Variants in RPGRIP1 observed in about 807,000 individuals in gnomAD.
The protein encoded by RPGRIP1 is X-linked retinitis pigmentosa GTPase regulator-interacting protein 1.
Under a neutral mutation model 157.9 loss-of-function variants are expected in RPGRIP1, and 128 were observed. That is an observed-to-expected ratio of 0.81 (90% CI 0.70 to 0.94). The LOEUF is 0.94. RPGRIP1 is among the 40% of genes least tolerant of loss of function. RPGRIP1 has a pLI of 0.00. For synonymous variants in RPGRIP1, 554 were observed against 571.6 expected (o/e 0.97, Z 0.44); for missense variants, 1,486 against 1,545.8 (o/e 0.96, Z 0.65).
In RPGRIP1 at chr14:21,303,351, T is replaced by C. The variant is rs1197922295; in HGVS notation, c.608T>C (p.Ile203Thr). The C allele has an allele frequency of 6.2e-7, 1 of 1,613,328 alleles. No homozygotes were observed. The highest frequency in any genetic ancestry group is 2.2e-5 in the East Asian group (1 of 44,886). The stretch of plus-strand genomic sequence containing the variant: ...TTTAGTGTTTCTGGTTCTAACAGCA[T>C]AATTTCTTTCAGCAGTGTCATAAGT... ...PSELVSGSNSIISFSSVISMA... is the reference protein window; with the variant it reads ...PSELVSGSNSTISFSSVISMA... The change falls in exon 6 of 25, where the codon ATA becomes ACA. Residue 203 changes from isoleucine (I) to threonine (T), a missense_variant. Ile to Thr is a moderately conservative substitution (Grantham distance 89, BLOSUM62 -1). Coordinates refer to ENST00000400017, the MANE Select transcript of RPGRIP1 (RefSeq NM_020366.4).
At chr14:21,302,865 G>GTTTTT (rs59447072) in intron 5 of RPGRIP1, 257 of 88,240 alleles carry the variant, frequency 2.9e-3, no homozygotes, top group African/African-American at 3.4e-3. Flanking sequence ...CCTTTGTTGT[G>GTTTTT]TTTTTTTTTT....
chr14:21,334,605 A>G lies in RPGRIP1; in HGVS notation c.3239A>G (p.Asp1080Gly). Residue 1080 changes from aspartate to glycine, a missense_variant and splice_region_variant, in exon 21 of 25, where the codon GAC (aspartate) becomes GGC (glycine). Physicochemically the swap from Asp to Gly is moderately conservative, Grantham distance 94 (BLOSUM62 -1). Transcript: ENST00000400017. ...ATAACTGCAACCTCTTCTCTAGCAG[A>G]CAAAGAATCCTCTGAACAAGGTTCT... ...KQKEPLHPVN[D>G]KESSEQGSEV... 1.2e-6 allele frequency: 2 copies of G among 1,601,730 alleles called. No individual in the cohort carries two copies. Among genetic ancestry groups the G allele is most frequent in the Non-Finnish European group, 1.7e-6 (2 of 1,173,922 alleles).
At chr14:21,319,926 T>G (rs1882214357) in intron 11 of RPGRIP1, 91 bp from the exon 12 acceptor site, 1 of 1,183,192 alleles carries the variant, frequency 8.5e-7, no homozygotes, top group Admixed American at 2.3e-5. Context: ...AATTAAACCT[T>G]AGTGGGAAGA....
chr14:21,345,569 AT>A, intron 23 of RPGRIP1, among the ~76,000 whole-genome samples: 1 of 151,344 alleles, frequency 6.6e-6, no homozygotes, highest in East Asian at 2.0e-4. Context: ...TGCCTGGCTA[AT>A]TTTTTGTGTT....
In RPGRIP1 at chr14:21,345,197, A is replaced by G; in HGVS notation, c.3617A>G (p.His1206Arg). 6.2e-7 allele frequency: 1 copy of G among 1,607,814 alleles called. No individual in the cohort carries two copies. The highest frequency in any genetic ancestry group is 2.2e-5 in the East Asian group (1 of 44,848). The change falls in exon 23 of 25, where the codon CAT becomes CGT. Residue 1206 changes from histidine to arginine, a missense_variant and splice_region_variant. Coordinates refer to ENST00000400017, the MANE Select transcript of RPGRIP1 (RefSeq NM_020366.4). ...AATGGACAAGATCCTGATCAAGGAC[A>G]GTAAGCATCTGCTTTCCACTTTGAA... is the stretch of plus-strand genomic sequence containing the variant. ...MLNGQDPDQGHLKFTVVSDPL... is the reference protein window; with the variant it reads ...MLNGQDPDQGRLKFTVVSDPL...
intron 21 of RPGRIP1, among the ~76,000 whole-genome samples, chr14:21,336,562 T>G (rs1423580067): frequency 3.3e-5 from 5 of 152,198 alleles, no homozygotes; most frequent in Non-Finnish European, 7.3e-5. Context: ...CAAAACCAGT[T>G]AAGTTTCTCT....
In RPGRIP1 at chr14:21,294,786, G is replaced by A. The variant is rs62646878; in HGVS notation, c.195G>A (p.Trp65Ter). 1 of 1,589,930 alleles carries A rather than the reference G, an allele frequency of 6.3e-7. No individual in the cohort carries two copies. Among genetic ancestry groups the A allele is most frequent in the Non-Finnish European group, 8.6e-7 (1 of 1,165,808 alleles). ...EDHMLVKELS[W>*]KQQDEIKRLR... ...ACATGTTGGTGAAGGAGCTTTCTTGGAAGCAACAGGATGAGATCAAAAGGT... is the reference window on the plus strand; with the variant it reads ...ACATGTTGGTGAAGGAGCTTTCTTGAAAGCAACAGGATGAGATCAAAAGGT... The change falls in exon 3 of 25, where the codon TGG becomes TGA. Residue 65 changes from tryptophan (W) to a stop codon, truncating the protein, a stop_gained. Transcript: ENST00000400017. LOFTEE classifies it high-confidence loss of function.
At chr14:21,322,930 GTTA>G in intron 14 of RPGRIP1, among the ~76,000 whole-genome samples, 1 of 152,172 alleles carries the variant, frequency 6.6e-6, no homozygotes, top group Non-Finnish European at 1.5e-5. Context: ...ACTTGGCTTT[GTTA>G]TTATACCCAG....
At chr14:21,331,690 A>G (rs1883810114) in intron 20 of RPGRIP1, among the ~76,000 whole-genome samples, 1 of 152,062 alleles carries the variant, frequency 6.6e-6, no homozygotes, top group Non-Finnish European at 1.5e-5. Flanking sequence ...TCAGGAAAGG[A>G]CACCCTTTGG....
intron 21 of RPGRIP1, among the ~76,000 whole-genome samples, chr14:21,342,349 C>A (rs55904172): frequency 6.6e-6 from 1 of 151,758 alleles, no homozygotes; most frequent in Non-Finnish European, 1.5e-5. Flanking sequence ...TCTAGACCAT[C>A]GTGGGCAACA....
In RPGRIP1 at chr14:21,346,118, A is replaced by AT. The variant is rs566945339; in HGVS notation, c.3617+927dup. Among the ~76,000 whole-genome samples the AT allele has an allele frequency of 3.9e-4, 59 of 152,266 alleles. 1 individual carries two copies. The East Asian group carries it at 9.8e-3, about 25-fold the overall frequency. ...GAGTGACCACACCTGGTCAACAGGA[A>AT]TTTTTTGATGTTGACATAACTAAGT... On this transcript the variant is annotated intron_variant, in intron 23 of 24. Transcript: ENST00000400017.
intron 1 of RPGRIP1, among the ~76,000 whole-genome samples, chr14:21,281,710 T>A (rs1015336111): frequency 1.5e-3 from 203 of 137,770 alleles, no homozygotes; most frequent in African/African-American, 5.5e-3. Flanking sequence ...AAATAAATAA[T>A]AATAATAATA....
intron 6 of RPGRIP1, 119 bp from the exon 7 acceptor site, chr14:21,307,612 G>A (rs974417377): frequency 6.0e-6 from 4 of 663,894 alleles, no homozygotes; most frequent in African/African-American, 1.8e-5. Flanking sequence ...GTTCTAGTGT[G>A]GGTAAGACGG....
At chr14:21,301,441 T>C (rs1354222155) in intron 4 of RPGRIP1, among the ~76,000 whole-genome samples, 1 of 151,978 alleles carries the variant, frequency 6.6e-6, no homozygotes, top group Admixed American at 6.6e-5. Context: ...GGAGTGTCGC[T>C]GAGGGCAGAA....
intron 8 of RPGRIP1, among the ~76,000 whole-genome samples, chr14:21,311,494 G>A (rs1283402863): frequency 1.3e-5 from 2 of 152,192 alleles, no homozygotes; most frequent in Non-Finnish European, 2.9e-5. Flanking sequence ...AGAGGTTGCA[G>A]TGAGCCAAGC....
At chr14:21,336,252 A>G (rs1362412190) in intron 21 of RPGRIP1, among the ~76,000 whole-genome samples, 1 of 152,206 alleles carries the variant, frequency 6.6e-6, no homozygotes, top group Non-Finnish European at 1.5e-5. Flanking sequence ...GTTCAATTTC[A>G]GCTGAGGTGT....
At chr14:21,293,622 T>C (rs1448492150) in intron 2 of RPGRIP1, among the ~76,000 whole-genome samples, 4 of 152,104 alleles carry the variant, frequency 2.6e-5, no homozygotes, top group Non-Finnish European at 5.9e-5. Context: ...CTCACACCTG[T>C]AATCCCAGCA....
rs565611635 is a variant in RPGRIP1, at chr14:21,280,132, C to T, written c.-66C>T. ...CAGAACATTGAGAGAAAAGAATTAG[C>T]GACAGCTATCTGGAGCAAGCAAGAA... On this transcript the variant is annotated 5_prime_UTR_variant, in exon 1 of 25. Transcript: ENST00000400017. Among the ~76,000 whole-genome samples, 1 of 151,994 alleles carries T rather than the reference C, an allele frequency of 6.6e-6. No individual in the cohort carries two copies. Among genetic ancestry groups the T allele is most frequent in the Non-Finnish European group, 1.5e-5 (1 of 68,016 alleles).
chr14:21,302,197 A>G (rs928046093), intron 4 of RPGRIP1, among the ~76,000 whole-genome samples: 2 of 152,222 alleles, frequency 1.3e-5, no homozygotes, highest in Non-Finnish European at 2.9e-5. Context: ...ACTGGGCACT[A>G]GATACAAAGA....
Sources: allele counts gnomAD v4.1 joint callset (sites outside exome capture counted in the v4.1 genomes callset), GRCh38; gene constraint gnomAD v4.1.1; transcripts MANE v1.5; gene names NCBI Gene and HGNC (gene_info 2026-07-23, HGNC 2026-07-21).